The following ART3 variants were observed in gnomAD, a reference collection of about 807,000 sequenced individuals.
ART3 encodes ecto-ADP-ribosyltransferase 3.
Under a neutral mutation model 48.5 loss-of-function variants are expected in ART3, and 49 were observed. The ratio of observed to expected loss-of-function variants is 1.01; its 90% CI spans 0.80 to 1.28. ART3 has a LOEUF of 1.28. ART3 is among the 50% of genes most tolerant of loss of function. ART3 has a pLI of 0.00. For missense variants in ART3, 438 were observed against 454.3 expected (o/e 0.96, Z 0.33); for synonymous variants, 145 against 157.2 (o/e 0.92, Z 0.58).
intron 5 of ART3, chr4:76,099,660 A>C (rs1207884714): frequency 6.5e-6 from 1 of 153,944 alleles, no homozygotes; most frequent in African/African-American, 2.4e-5. Flanking sequence ...GCATGTTTGC[A>C]TCTCTCAAAT....
At chr4:76,012,662 T>G (rs1284413326) in intron 1 of ART3, among the ~76,000 whole-genome samples, 2 of 152,180 alleles carry the variant, frequency 1.3e-5, no homozygotes, top group Middle Eastern at 3.2e-3. Context: ...TAAACAGTTT[T>G]GAGAGAGCAT....
intron 1 of ART3, among the ~76,000 whole-genome samples, chr4:76,064,573 G>A (rs889036168): frequency 6.6e-6 from 1 of 152,062 alleles, no homozygotes; most frequent in Admixed American, 6.6e-5. Flanking sequence ...TTTTAGAATA[G>A]ACCTTTACTT....
chr4:76,083,663 A>G (rs1353763857), intron 3 of ART3, among the ~76,000 whole-genome samples: 1 of 152,236 alleles, frequency 6.6e-6, no homozygotes, highest in East Asian at 1.9e-4. Flanking sequence ...ACAAAAAGAA[A>G]GTAAAGGGGA....
chr4:76,078,823 G>A (rs972468913), intron 2 of ART3, among the ~76,000 whole-genome samples: 3 of 152,210 alleles, frequency 2.0e-5, no homozygotes, highest in Admixed American at 6.5e-5. Context: ...GCTCACGCCT[G>A]TAATCCCAGC....
intron 4 of ART3, among the ~76,000 whole-genome samples, chr4:76,098,750 A>G (rs1560646920): frequency 6.6e-6 from 1 of 151,952 alleles, no homozygotes; most frequent in African/African-American, 2.4e-5. Context: ...ACAAAGCAAG[A>G]CTCTTGTCTC....
At chr4:76,106,147 ATAGGC>A (rs1728427189) in intron 10 of ART3, 1 of 985,326 alleles carries the variant, frequency 1.0e-6, no homozygotes, top group African/African-American at 1.7e-5. Context: ...CAAATTTATA[ATAGGC>A]TAGAGACAAC....
rs1560654879 is a variant in ART3 at position 76,104,028 on chromosome 4, G to A, written c.970+59G>A. On this transcript the variant is annotated intron_variant, in intron 9 of 11. Coordinates refer to ENST00000355810, the MANE Select transcript of ART3 (RefSeq NM_001130016.3). ...AGAATGAGTTGAGCAGGATTCCCAG[G>A]CATTTAAGAGAATACTGTCATGAGA... 4.6e-6 allele frequency: 7 copies of A among 1,514,500 alleles called. No individual in the cohort carries two copies. In the Admixed American group the frequency reaches 1.2e-4, roughly 26 times the overall value. 93.8% of individuals were successfully genotyped at this position (1,514,500 alleles called of 1,614,324 possible).
In ART3 at chr4:76,105,365, G is replaced by A. The variant is rs550871915; in HGVS notation, c.1003+736G>A. On this transcript the variant is annotated intron_variant, in intron 10 of 11. Coordinates refer to ENST00000355810, the MANE Select transcript of ART3 (RefSeq NM_001130016.3). ...TTATATAAGTTACTTCACTTTCTAC[G>A]CCCCTGCTTTCACATCTGTAAAATG... Among the ~76,000 whole-genome samples the A allele has an allele frequency of 7.9e-5, 12 of 152,144 alleles. 1 individual carries two copies. The South Asian group carries it at 2.1e-3, about 26-fold the overall frequency.
At chr4:76,034,333 A>G in intron 1 of ART3, 1 of 400,964 alleles carries the variant, frequency 2.5e-6, no homozygotes, top group Non-Finnish European at 4.4e-6. Flanking sequence ...AACCACAGAT[A>G]GTAATATAGC....
intron 11 of ART3, among the ~76,000 whole-genome samples, chr4:76,108,092 TAAAA>T: frequency 6.9e-6 from 1 of 145,620 alleles, no homozygotes; most frequent in African/African-American, 2.5e-5. Context: ...AAATATATAT[TAAAA>T]AAAAAAAGAA....
rs888911062 is a variant in ART3 at position 76,112,625 on chromosome 4, G to A, written c.*106G>A. On this transcript the variant is annotated 3_prime_UTR_variant, in exon 12 of 12. Transcript: ENST00000355810. ...TTTTTACGTGTTGGCCAAAGTCACT[G>A]GATAAAATGAGAATTGTATATTTGT... is the stretch of plus-strand genomic sequence containing the variant. The A allele has an allele frequency of 3.1e-6, 4 of 1,272,248 alleles. No homozygotes were observed. In the African/African-American group the frequency reaches 6.1e-5, roughly 19 times the overall value. The allele number at this position is 1,272,248 out of a possible 1,614,324, so 78.8% of individuals were successfully genotyped here.
At chr4:76,022,308 A>G (rs1474700718) in intron 1 of ART3, 6 of 1,381,446 alleles carry the variant, frequency 4.3e-6, no homozygotes, top group Admixed American at 1.7e-5. Context: ...AGTATTTCTG[A>G]CTCCCAAGAT....
chr4:76,081,371 G>A (rs909333766), intron 2 of ART3, among the ~76,000 whole-genome samples: 22 of 152,206 alleles, frequency 1.4e-4, no homozygotes, highest in Admixed American at 7.9e-4. Context: ...GACAAGGGAG[G>A]GGGCAACCCC....
chr4:76,111,134 A>T (rs1729396022), intron 11 of ART3, among the ~76,000 whole-genome samples: 1 of 152,210 alleles, frequency 6.6e-6, no homozygotes, highest in Non-Finnish European at 1.5e-5. Flanking sequence ...TGTTTCGAGT[A>T]TCCTCTTAAA....
At chr4:76,088,620 T>G (rs1031489449) in intron 3 of ART3, among the ~76,000 whole-genome samples, 5 of 152,174 alleles carry the variant, frequency 3.3e-5, no homozygotes, top group African/African-American at 1.2e-4. Context: ...TTCTTTAGCA[T>G]TTCCTGGGAG....
chr4:76,032,678 G>A (rs572805605), intron 1 of ART3, among the ~76,000 whole-genome samples: 13 of 148,262 alleles, frequency 8.8e-5, no homozygotes, highest in African/African-American at 2.7e-4. Context: ...TCTGCCTCCC[G>A]GGTTCAAGCG....
At chr4:76,020,307 AG>A (rs1732679117) in intron 1 of ART3, among the ~76,000 whole-genome samples, 1 of 151,994 alleles carries the variant, frequency 6.6e-6, no homozygotes, top group South Asian at 2.1e-4. Flanking sequence ...CTGTGTTTCC[AG>A]GCTGGTCTCA....
intron 1 of ART3, among the ~76,000 whole-genome samples, chr4:76,018,005 T>A (rs547028174): frequency 1.3e-5 from 2 of 152,382 alleles, no homozygotes; most frequent in South Asian, 2.1e-4. Flanking sequence ...AAAGAAGTAC[T>A]GATTGGTTCA....
chr4:76,109,111 A>G (rs1451941597), intron 11 of ART3, among the ~76,000 whole-genome samples: 2 of 152,188 alleles, frequency 1.3e-5, no homozygotes, highest in African/African-American at 4.8e-5. Flanking sequence ...CCGTAGCTTA[A>G]TGTAACTGTT....
Sources: gnomAD v4.1 joint callset for allele counts (sites outside exome capture counted in the v4.1 genomes callset) on GRCh38, gnomAD v4.1.1 for gene constraint, MANE v1.5 for transcripts, NCBI Gene and HGNC (gene_info 2026-07-23, HGNC 2026-07-21) for gene names.